Variants in KLF13 observed in about 807,000 individuals in gnomAD.
KLF13 encodes the protein KLF transcription factor 13, also known as Krueppel-like factor 13.
In KLF13, 8 loss-of-function variants were observed where a neutral mutation model predicts 16.7. The observed-to-expected ratio is 0.48, with a 90% CI of 0.28 to 0.87. The LOEUF is 0.87. Among genes scored for constraint, KLF13 ranks in the 40% least tolerant of loss-of-function variants. KLF13 has a pLI of 0.10. For missense variants in KLF13, 447 were observed against 452.2 expected (o/e 0.99, Z 0.10); for synonymous variants, 245 against 208.4 (o/e 1.18, Z -1.51).
chr15:31,332,566 C>T (rs192109717), intron 1 of KLF13, among the ~76,000 whole-genome samples: 85 of 152,272 alleles, frequency 5.6e-4, no homozygotes, highest in East Asian at 1.9e-3. Context: ...ACTGATAGGA[C>T]GCAGTTCATT....
At chr15:31,380,855 G>A (rs2039715085), downstream of KLF13, among the ~76,000 whole-genome samples, 1 of 152,208 alleles carries the variant, frequency 6.6e-6, no homozygotes, top group Non-Finnish European at 1.5e-5. Context: ...AGAAGACAGT[G>A]TTGGAAACAC....
chr15:31,350,166 A>C (rs557633425), intron 1 of KLF13, among the ~76,000 whole-genome samples: 1 of 152,342 alleles, frequency 6.6e-6, no homozygotes, highest in East Asian at 1.9e-4. Flanking sequence ...TGCCCATTAC[A>C]GGGCAGGAAG....
At chr15:31,353,261 G>A (rs1037164946) in intron 1 of KLF13, among the ~76,000 whole-genome samples, 2 of 152,192 alleles carry the variant, frequency 1.3e-5, no homozygotes, top group Non-Finnish European at 1.5e-5. Flanking sequence ...GTTTACAGCC[G>A]CCTGTGCTGG....
chr15:31,348,566 G>A (rs559296450), intron 1 of KLF13, among the ~76,000 whole-genome samples: 151 of 152,246 alleles, frequency 9.9e-4, no homozygotes, highest in Non-Finnish European at 5.1e-4. Context: ...GGCAGCCAAG[G>A]GTGTGACCCT....
intron 1 of KLF13, among the ~76,000 whole-genome samples, chr15:31,358,818 G>C (rs2039339377): frequency 6.6e-6 from 1 of 152,196 alleles, no homozygotes. Flanking sequence ...GGGCTGTGTT[G>C]GTACGCAAGC....
At chr15:31,334,535 C>T (rs1391233020) in intron 1 of KLF13, among the ~76,000 whole-genome samples, 1 of 151,968 alleles carries the variant, frequency 6.6e-6, no homozygotes, top group Non-Finnish European at 1.5e-5. Flanking sequence ...TCAAGTGATT[C>T]TCCTGCCTCA....
intron 1 of KLF13, among the ~76,000 whole-genome samples, chr15:31,410,618 CACA>C (rs1566842491): frequency 1.8e-4 from 19 of 107,590 alleles, no homozygotes; most frequent in African/African-American, 5.2e-4. Context: ...CACACACACA[CACA>C]CACACCCCTA....
At chr15:31,352,748 G>A (rs1057247902) in intron 1 of KLF13, among the ~76,000 whole-genome samples, 8 of 152,214 alleles carry the variant, frequency 5.3e-5, no homozygotes, top group Admixed American at 2.0e-4. Flanking sequence ...AAGCTGTTAG[G>A]TGGCAGAGAT....
chr15:31,426,598 A>G (rs974828186), intron 1 of KLF13, among the ~76,000 whole-genome samples: 2 of 152,246 alleles, frequency 1.3e-5, no homozygotes, highest in Admixed American at 6.5e-5. Flanking sequence ...GAACATTTAC[A>G]GCTCAACAAC....
chr15:31,382,025 C>A (rs770799802), downstream of KLF13, among the ~76,000 whole-genome samples: 18 of 152,314 alleles, frequency 1.2e-4, no homozygotes, highest in Middle Eastern at 6.8e-3. Context: ...GCAAGCTTGG[C>A]ATGGTCTGTG....
intron 1 of KLF13, among the ~76,000 whole-genome samples, chr15:31,360,704 G>T (rs898902896): frequency 1.3e-5 from 2 of 151,804 alleles, no homozygotes; most frequent in Admixed American, 6.6e-5. Flanking sequence ...TGTCTAATTT[G>T]TTGTTGTTGT....
intron 1 of KLF13, among the ~76,000 whole-genome samples, chr15:31,331,372 T>C (rs559210163): frequency 6.6e-6 from 1 of 152,298 alleles, no homozygotes; most frequent in African/African-American, 2.4e-5. Context: ...ATAATTTGGG[T>C]GGGGTTCACC....
intron 1 of KLF13, among the ~76,000 whole-genome samples, chr15:31,383,759 G>T (rs1194484400): frequency 6.6e-6 from 1 of 152,142 alleles, no homozygotes; most frequent in Non-Finnish European, 1.5e-5. Context: ...AAAATTAGCT[G>T]GGCGTGGTGG....
At chr15:31,328,721 T>C (rs2038769384) in intron 1 of KLF13, among the ~76,000 whole-genome samples, 1 of 152,214 alleles carries the variant, frequency 6.6e-6, no homozygotes, top group Non-Finnish European at 1.5e-5. Context: ...TTGTAGTTGA[T>C]TCATCTGTGG....
chr15:31,343,552 C>G (rs1368854193), intron 1 of KLF13, among the ~76,000 whole-genome samples: 1 of 152,216 alleles, frequency 6.6e-6, no homozygotes, highest in Admixed American at 6.5e-5. Flanking sequence ...GGCCTGGGTG[C>G]TGATGGGCCC....
intron 1 of KLF13, among the ~76,000 whole-genome samples, chr15:31,371,675 T>G (rs1037622834): frequency 6.6e-6 from 1 of 151,952 alleles, no homozygotes; most frequent in Non-Finnish European, 1.5e-5. Context: ...CCGGCATGGG[T>G]GTGTAGTGCA....
At chr15:31,369,071 A>G (rs143536417) in intron 1 of KLF13, among the ~76,000 whole-genome samples, 2 of 152,318 alleles carry the variant, frequency 1.3e-5, no homozygotes, top group Admixed American at 1.3e-4. Flanking sequence ...CCTGACTCCT[A>G]TCCCTCCCCT....
exon 3 of KLF13, chr15:31,403,739 AT>A (rs1393501900): frequency 6.6e-6 from 1 of 152,250 alleles, no homozygotes; most frequent in Non-Finnish European, 1.5e-5. Context: ...TGCCTCCCAC[AT>A]TGAGTAAACT....
intron 1 of KLF13, among the ~76,000 whole-genome samples, chr15:31,434,637 G>C (rs559528832): frequency 1.9e-4 from 29 of 152,302 alleles, no homozygotes; most frequent in Non-Finnish European, 1.6e-4. Flanking sequence ...GGACCTGCTA[G>C]GGCCTGAAGC....
Sources: gnomAD v4.1 joint callset for allele counts (sites outside exome capture counted in the v4.1 genomes callset) on GRCh38, gnomAD v4.1.1 for gene constraint, MANE v1.5 for transcripts, NCBI Gene and HGNC (gene_info 2026-07-23, HGNC 2026-07-21) for gene names.